The following ASIC2 variants were observed in gnomAD, a reference collection of about 807,000 sequenced individuals.
ASIC2 encodes acid-sensing ion channel 2.
A neutral mutation model predicts 57.3 loss-of-function variants in ASIC2; 25 were observed. The observed-to-expected ratio is 0.44, with a 90% CI of 0.32 to 0.61. The LOEUF (loss-of-function observed/expected upper bound fraction) is 0.61. Ranked by LOEUF, ASIC2 falls within the 20% of genes least tolerant of loss-of-function variation. The pLI is 0.06. For missense variants in ASIC2, 641 were observed against 738.1 expected, an observed-to-expected ratio of 0.87 and a Z score of 1.52; for synonymous variants, 319 against 307.5, an observed-to-expected ratio of 1.04 and a Z score of -0.39.
At chr17:34,111,503 T>C (rs549429501) in intron 1 of ASIC2, among the ~76,000 whole-genome samples, 3 of 152,160 alleles carry the variant, frequency 2.0e-5, no homozygotes, top group South Asian at 4.1e-4. Context: ...CTTACGGAGT[T>C]TTCCCATTAG....
In ASIC2 at chr17:33,408,618, C is replaced by T. The variant is rs1910547864; in HGVS notation, c.556-296551G>A. 1.3e-5 allele frequency among the ~76,000 whole-genome samples: 2 copies of T among 152,240 alleles called. 1 individual carries two copies. The highest frequency in any genetic ancestry group is 4.1e-4 in the South Asian group (2 of 4,834). ...ACACACAATAACTATCCTCCCTTTT[C>T]TCCCCTTTCTCCACTGAGTAATAAC... On this transcript the variant is annotated intron_variant, in intron 1 of 9. Coordinates refer to the ASIC2 transcript ENST00000359872.
chr17:33,132,109 C>T (rs906285705), intron 1 of ASIC2, among the ~76,000 whole-genome samples: 13 of 152,192 alleles, frequency 8.5e-5, no homozygotes, highest in African/African-American at 2.9e-4. Flanking sequence ...CTGACCTGGG[C>T]CACAGCTTTC....
intron 1 of ASIC2, among the ~76,000 whole-genome samples, chr17:33,178,125 A>T (rs1905834709): frequency 6.6e-6 from 1 of 152,214 alleles, no homozygotes; most frequent in South Asian, 2.1e-4. Context: ...TATATTCCTG[A>T]TAATTGCTAA....
At chr17:33,529,829 G>A (rs1369847026) in intron 1 of ASIC2, 1 of 152,172 alleles carries the variant, frequency 6.6e-6, no homozygotes, top group African/African-American at 2.4e-5. Context: ...CTTGTACTGT[G>A]TGCTTAATAA....
intron 1 of ASIC2, among the ~76,000 whole-genome samples, chr17:34,041,009 T>C (rs888495506): frequency 1.3e-5 from 2 of 152,156 alleles, no homozygotes; most frequent in African/African-American, 4.8e-5. Context: ...GAGATCCAAA[T>C]GTTGCTCTTT....
chr17:33,920,941 T>A (rs1915697870), intron 1 of ASIC2, among the ~76,000 whole-genome samples: 1 of 152,144 alleles, frequency 6.6e-6, no homozygotes, highest in African/African-American at 2.4e-5. Context: ...AGAAGTCCAG[T>A]CTTCAACAGA....
At chr17:33,018,298 C>G (rs2091817793) in intron 7 of ASIC2, among the ~76,000 whole-genome samples, 1 of 77,280 alleles carries the variant, frequency 1.3e-5, no homozygotes, top group Non-Finnish European at 3.5e-5. Flanking sequence ...CTGCATCCAA[C>G]TCTCCTGGAA....
chr17:34,033,571 C>T (rs574491538), intron 1 of ASIC2, among the ~76,000 whole-genome samples: 27 of 152,076 alleles, frequency 1.8e-4, no homozygotes, highest in Admixed American at 9.8e-4. Context: ...TTAATGAATC[C>T]GGGAGTTGCT....
At chr17:33,130,007 T>C (rs1253080743) in intron 1 of ASIC2, among the ~76,000 whole-genome samples, 1 of 152,186 alleles carries the variant, frequency 6.6e-6, no homozygotes, top group Non-Finnish European at 1.5e-5. Flanking sequence ...CACTGGGCTG[T>C]TTCTGTATGT....
chr17:33,664,856 G>T (rs1307999302), intron 1 of ASIC2, among the ~76,000 whole-genome samples: 3 of 152,252 alleles, frequency 2.0e-5, no homozygotes, highest in East Asian at 3.9e-4. Flanking sequence ...AAAATGATGT[G>T]AGCAATGCAA....
At chr17:34,050,556 C>T (rs1378138822) in intron 1 of ASIC2, among the ~76,000 whole-genome samples, 1 of 152,138 alleles carries the variant, frequency 6.6e-6, no homozygotes, top group Non-Finnish European at 1.5e-5. Flanking sequence ...GAATTTCTGT[C>T]CGTTTATGGA....
intron 1 of ASIC2, among the ~76,000 whole-genome samples, chr17:33,897,686 A>G (rs1915129222): frequency 6.6e-6 from 1 of 152,216 alleles, no homozygotes; most frequent in African/African-American, 2.4e-5. Flanking sequence ...ACTATTCCCA[A>G]CAATATTACC....
intron 1 of ASIC2, among the ~76,000 whole-genome samples, chr17:33,580,962 C>T (rs370415891): frequency 3.3e-5 from 5 of 152,138 alleles, no homozygotes; most frequent in African/African-American, 1.2e-4. Flanking sequence ...TTAAAATGTC[C>T]CCATCCTCAA....
At chr17:33,669,245 C>T (rs901920208) in intron 1 of ASIC2, among the ~76,000 whole-genome samples, 1 of 152,182 alleles carries the variant, frequency 6.6e-6, no homozygotes, top group African/African-American at 2.4e-5. Flanking sequence ...CCAGGCACCA[C>T]ACATCGTTTC....
chr17:33,671,289 A>G (rs1185257924), intron 1 of ASIC2, among the ~76,000 whole-genome samples: 1 of 152,166 alleles, frequency 6.6e-6, no homozygotes, highest in Non-Finnish European at 1.5e-5. Context: ...ACACACGCAC[A>G]CCCAGCATAG....
chr17:33,818,548 A>T (rs1306449094), intron 1 of ASIC2, among the ~76,000 whole-genome samples: 15 of 152,140 alleles, frequency 9.9e-5, no homozygotes, highest in African/African-American at 3.4e-4. Flanking sequence ...GTCCCCCAGG[A>T]GACATTTAGC....
intron 1 of ASIC2, among the ~76,000 whole-genome samples, chr17:33,332,689 G>A (rs746082256): frequency 1.3e-5 from 2 of 152,122 alleles, no homozygotes; most frequent in Non-Finnish European, 2.9e-5. Flanking sequence ...TCAGGAGTTC[G>A]AGAGCAGCCT....
chr17:33,151,663 G>A (rs975795433), intron 1 of ASIC2, among the ~76,000 whole-genome samples: 7 of 152,152 alleles, frequency 4.6e-5, no homozygotes, highest in African/African-American at 1.7e-4. Context: ...ACGGAGGTGG[G>A]TTCCTGATAA....
chr17:33,979,489 A>G (rs1905530037), intron 1 of ASIC2, among the ~76,000 whole-genome samples: 1 of 152,060 alleles, frequency 6.6e-6, no homozygotes, highest in South Asian at 2.1e-4. Flanking sequence ...CAGAAAAGTC[A>G]TCACCCCCAG....
Sources: allele counts gnomAD v4.1 joint callset (sites outside exome capture counted in the v4.1 genomes callset), GRCh38; gene constraint gnomAD v4.1.1; transcripts MANE v1.5; gene names NCBI Gene and HGNC (gene_info 2026-07-23, HGNC 2026-07-21).